The following ZBTB20 variants were observed in gnomAD, a reference collection of about 807,000 sequenced individuals.
ZBTB20 encodes the protein zinc finger and BTB domain-containing protein 20.
In ZBTB20, 9 loss-of-function variants were observed where a neutral mutation model predicts 56.9. The ratio of observed to expected loss-of-function variants is 0.16; its 90% CI spans 0.10 to 0.28. The LOEUF is 0.28. ZBTB20 is among the 10% of genes least tolerant of loss of function. ZBTB20 has a pLI of 1.00. For missense variants in ZBTB20, 655 were observed against 1,003.0 expected (o/e 0.65, Z 4.69); for synonymous variants, 417 against 420.7 (o/e 0.99, Z 0.11).
chr3:115,052,383 G>A (rs2081586110), intron 2 of ZBTB20, among the ~76,000 whole-genome samples: 1 of 151,978 alleles, frequency 6.6e-6, no homozygotes, highest in Non-Finnish European at 1.5e-5. Context: ...CTAGAACCAG[G>A]TAGTTGGAGG....
chr3:114,938,305 T>C lies in ZBTB20; in HGVS notation c.-456+36061A>G, dbSNP rs1477484280. Among the ~76,000 whole-genome samples the C allele has an allele frequency of 3.4e-5, 5 of 146,076 alleles. 1 individual carries two copies. The highest frequency in any genetic ancestry group is 2.6e-4 in the Admixed American group (4 of 15,158). ...AGATCCCATTTGTCATTTTGGCTTT[T>C]GTTGCCATTGCTTTTGGTGTTTTAG... is the stretch of plus-strand genomic sequence containing the variant. On this transcript the variant is annotated intron_variant, in intron 3 of 11. Transcript: ENST00000675478.
chr3:114,613,829 G>C (rs897497018), intron 6 of ZBTB20, among the ~76,000 whole-genome samples: 1 of 152,112 alleles, frequency 6.6e-6, no homozygotes, highest in Non-Finnish European at 1.5e-5. Context: ...TATAGCATAA[G>C]AGTGAGTGAT....
chr3:114,981,469 AGTG>A (rs2078324472), intron 2 of ZBTB20, among the ~76,000 whole-genome samples: 1 of 152,128 alleles, frequency 6.6e-6, no homozygotes, highest in Non-Finnish European at 1.5e-5. Flanking sequence ...ACATTTTAGA[AGTG>A]ACAGCAATTT....
In ZBTB20 at chr3:114,749,389, T is replaced by TA. The variant is rs2067372058; in HGVS notation, c.-343+51711dup. Among the ~76,000 whole-genome samples, 3 of 151,972 alleles carry TA rather than the reference T, an allele frequency of 2.0e-5. No homozygotes were observed. In the South Asian group the frequency reaches 6.2e-4, roughly 32 times the overall value. On this transcript the variant is annotated intron_variant, in intron 5 of 11. Coordinates refer to ENST00000675478, the MANE Select transcript of ZBTB20 (RefSeq NM_001348800.3). ...CAACATAGTGAAACCCCGTCGCTACTAAAAATACAAAAAAGTAGCTGGGTG... is the reference window on the plus strand; with the variant it reads ...CAACATAGTGAAACCCCGTCGCTACTAAAAAATACAAAAAAGTAGCTGGGTG...
intron 10 of ZBTB20, among the ~76,000 whole-genome samples, chr3:114,353,395 C>T (rs1304038218): frequency 6.6e-6 from 1 of 152,212 alleles, no homozygotes; most frequent in Non-Finnish European, 1.5e-5. Context: ...CTCAATCACC[C>T]TCACATGGTA....
intron 2 of ZBTB20, among the ~76,000 whole-genome samples, chr3:114,993,418 C>A (rs915499972): frequency 6.6e-6 from 1 of 151,774 alleles, no homozygotes; most frequent in African/African-American, 2.4e-5. Context: ...TAAATTACAT[C>A]ATTTTGAACT....
At chr3:114,908,732 A>G (rs1479822086) in intron 3 of ZBTB20, among the ~76,000 whole-genome samples, 1 of 152,002 alleles carries the variant, frequency 6.6e-6, no homozygotes, top group African/African-American at 2.4e-5. Flanking sequence ...ATAAAAAAAG[A>G]AAGAAACTAT....
intron 2 of ZBTB20, among the ~76,000 whole-genome samples, chr3:115,045,718 C>A (rs1320455076): frequency 6.6e-6 from 1 of 152,110 alleles, no homozygotes; most frequent in Non-Finnish European, 1.5e-5. Flanking sequence ...ATTCAGCCCT[C>A]CCTTTCAAAA....
At chr3:114,906,879 T>C (rs2075339351) in intron 3 of ZBTB20, among the ~76,000 whole-genome samples, 1 of 151,730 alleles carries the variant, frequency 6.6e-6, no homozygotes, top group African/African-American at 2.4e-5. Flanking sequence ...TCACAGCAGT[T>C]AGAAATGGAA....
rs111499015 is a variant in ZBTB20, at chr3:114,931,094, C to A, written c.-455-30752G>T. The stretch of plus-strand genomic sequence containing the variant: ...GTTCCTGCCTTACTACAGGCAGAGA[C>A]CCTACGGAAATTGACCACCATATTC... On this transcript the variant is annotated intron_variant, in intron 3 of 11. Transcript: ENST00000675478. 3.2e-3 allele frequency: 547 copies of A among 170,638 alleles called. 6 individuals carry two copies. Among genetic ancestry groups the A allele is most frequent in the African/African-American group, 0.013 (533 of 41,784 alleles). 10.6% of individuals were successfully genotyped at this position (170,638 alleles called of 1,614,324 possible).
intron 7 of ZBTB20, among the ~76,000 whole-genome samples, chr3:114,460,654 G>C (rs989196109): frequency 1.3e-5 from 2 of 152,178 alleles, no homozygotes; most frequent in Non-Finnish European, 2.9e-5. Flanking sequence ...AAACTGATTT[G>C]AGACTTCTGG....
At chr3:114,580,260 A>G (rs1439273145) in intron 6 of ZBTB20, among the ~76,000 whole-genome samples, 1 of 151,656 alleles carries the variant, frequency 6.6e-6, no homozygotes, top group Non-Finnish European at 1.5e-5. Flanking sequence ...AAATTTTATC[A>G]TATTATTGAT....
chr3:114,815,727 C>A (rs976206220), intron 4 of ZBTB20, among the ~76,000 whole-genome samples: 1 of 152,028 alleles, frequency 6.6e-6, no homozygotes, highest in Non-Finnish European at 1.5e-5. Context: ...TATACACACA[C>A]ACAAAACACG....
chr3:114,893,999 A>G (rs2074752597), intron 4 of ZBTB20, among the ~76,000 whole-genome samples: 1 of 152,252 alleles, frequency 6.6e-6, no homozygotes, highest in Non-Finnish European at 1.5e-5. Context: ...TTTTTGATAG[A>G]TAAAATGTCC....
intron 5 of ZBTB20, among the ~76,000 whole-genome samples, chr3:114,740,014 T>G (rs986004824): frequency 6.6e-5 from 10 of 152,258 alleles, no homozygotes; most frequent in Admixed American, 1.3e-4. Context: ...CTGAGGTGAT[T>G]ACGTTTAAAA....
intron 4 of ZBTB20, among the ~76,000 whole-genome samples, chr3:114,887,891 G>A (rs975712131): frequency 1.3e-5 from 2 of 151,970 alleles, no homozygotes; most frequent in African/African-American, 2.4e-5. Flanking sequence ...AGCACATAAG[G>A]ACAAATAAAA....
rs140756956 is a variant in ZBTB20, at chr3:114,856,769, C to T, written c.-417+43535G>A. ...TTCAAATTCCAATTTAAAGCCAGGG[C>T]GAGCAATTAACTTTTCTATCATCTT... On this transcript the variant is annotated intron_variant, in intron 4 of 11. Coordinates refer to ENST00000675478, the MANE Select transcript of ZBTB20 (RefSeq NM_001348800.3). Among the ~76,000 whole-genome samples, 108 of 152,208 alleles carry T rather than the reference C, an allele frequency of 7.1e-4. 1 individual carries two copies. Among genetic ancestry groups the T allele is most frequent in the African/African-American group, 2.5e-3 (103 of 41,524 alleles).
chr3:114,405,827 T>C (rs2108737289), intron 7 of ZBTB20, among the ~76,000 whole-genome samples: 1 of 152,250 alleles, frequency 6.6e-6, no homozygotes, highest in South Asian at 2.1e-4. Flanking sequence ...CTGGGTAGGC[T>C]GCATTTGGCT....
chr3:114,789,972 AC>A (rs2070818217), intron 5 of ZBTB20, among the ~76,000 whole-genome samples: 1 of 152,090 alleles, frequency 6.6e-6, no homozygotes, highest in Non-Finnish European at 1.5e-5. Context: ...TTTATCTTAT[AC>A]ACCAAAGCAC....
Sources: gnomAD v4.1 joint callset for allele counts (sites outside exome capture counted in the v4.1 genomes callset) on GRCh38, gnomAD v4.1.1 for gene constraint, MANE v1.5 for transcripts, NCBI Gene and HGNC (gene_info 2026-07-23, HGNC 2026-07-21) for gene names.